The following TPD52L1 variants were observed in gnomAD, a reference collection of about 807,000 sequenced individuals.
The protein encoded by TPD52L1 is TPD52 like 1, also known as tumor protein D53.
Under a neutral mutation model 28.7 loss-of-function variants are expected in TPD52L1, and 18 were observed. The observed-to-expected ratio is 0.63, with a 90% CI of 0.43 to 0.93. TPD52L1 has a LOEUF of 0.93. Among genes scored for constraint, TPD52L1 ranks in the 40% least tolerant of loss-of-function variants. The pLI, the probability that TPD52L1 is intolerant of heterozygous loss-of-function variation, is 0.00. For missense variants in TPD52L1, 203 were observed against 254.8 expected (o/e 0.80, Z 1.39); for synonymous variants, 75 against 88.8 (o/e 0.84, Z 0.88).
At chr6:125,195,989 T>C (rs1793412368) in intron 1 of TPD52L1, among the ~76,000 whole-genome samples, 2 of 152,208 alleles carry the variant, frequency 1.3e-5, no homozygotes, top group South Asian at 4.1e-4. Flanking sequence ...AGAATAGTGC[T>C]GAGCTCACAG....
chr6:125,242,667 A>G (rs1796683340), intron 3 of TPD52L1, among the ~76,000 whole-genome samples: 1 of 151,926 alleles, frequency 6.6e-6, no homozygotes, highest in South Asian at 2.1e-4. Context: ...TCTTTACCTT[A>G]AGTTGATGTG....
chr6:125,163,684 G>C (rs142976304), intron 1 of TPD52L1, among the ~76,000 whole-genome samples: 3 of 151,546 alleles, frequency 2.0e-5, no homozygotes, highest in South Asian at 4.2e-4. Flanking sequence ...TCAGCATTTT[G>C]GGAGCCTGAG....
At chr6:125,172,854 C>A (rs1215880905) in intron 1 of TPD52L1, among the ~76,000 whole-genome samples, 1 of 151,626 alleles carries the variant, frequency 6.6e-6, no homozygotes, top group Non-Finnish European at 1.5e-5. Flanking sequence ...AGTCTACTGG[C>A]TCCTGGTAAA....
intron 1 of TPD52L1, among the ~76,000 whole-genome samples, chr6:125,216,559 A>G (rs1214191769): frequency 1.4e-5 from 2 of 143,488 alleles, no homozygotes; most frequent in African/African-American, 5.2e-5. Flanking sequence ...ATATATATAT[A>G]TATATATATA....
intron 1 of TPD52L1, chr6:125,154,437 C>G (rs911891379): frequency 1.0e-6 from 1 of 987,526 alleles, no homozygotes; most frequent in Non-Finnish European, 1.2e-6. Flanking sequence ...GGGGGTGGCT[C>G]CGCAGCCCGG....
intron 1 of TPD52L1, among the ~76,000 whole-genome samples, chr6:125,217,449 C>T (rs183895339): frequency 4.4e-4 from 67 of 152,270 alleles, no homozygotes; most frequent in African/African-American, 1.4e-3. Flanking sequence ...ATAAGGAGCA[C>T]GCAAGCTAGA....
At position 125,153,912 on chromosome 6, in the gene TPD52L1, C is replaced by G; in HGVS notation, c.-40C>G. ...CAGCTGCCATCTGCTCTGGGAAGCA[C>G]CAGGGTGTCCCCGCCGCCCTCAGCT... On this transcript the variant is annotated 5_prime_UTR_variant, in exon 1 of 7. Transcript: ENST00000534000. 1 of 1,592,016 alleles carries G rather than the reference C, an allele frequency of 6.3e-7. No homozygotes were observed. Among genetic ancestry groups the G allele is most frequent in the Non-Finnish European group, 8.5e-7 (1 of 1,174,256 alleles).
chr6:125,198,244 C>T (rs928827701), intron 1 of TPD52L1, among the ~76,000 whole-genome samples: 5 of 152,206 alleles, frequency 3.3e-5, no homozygotes, highest in African/African-American at 1.2e-4. Flanking sequence ...TTACAGTGCT[C>T]TAAACCCTTT....
At chr6:125,208,511 T>C (rs918476731) in intron 1 of TPD52L1, among the ~76,000 whole-genome samples, 2 of 152,092 alleles carry the variant, frequency 1.3e-5, no homozygotes, top group Admixed American at 6.5e-5. Context: ...TCTCGTGACA[T>C]TTGTTATCAA....
chr6:125,259,624 A>G (rs1797797729), intron 6 of TPD52L1, among the ~76,000 whole-genome samples: 1 of 152,100 alleles, frequency 6.6e-6, no homozygotes, highest in East Asian at 1.9e-4. Flanking sequence ...ATCTCTTCCA[A>G]CCATTTTGCA....
At chr6:125,230,320 CT>C (rs1795875538) in intron 3 of TPD52L1, among the ~76,000 whole-genome samples, 1 of 151,968 alleles carries the variant, frequency 6.6e-6, no homozygotes, top group Non-Finnish European at 1.5e-5. Context: ...GATTTTTCTT[CT>C]TTTTGTGTAT....
intron 1 of TPD52L1, among the ~76,000 whole-genome samples, chr6:125,158,828 G>A (rs1235062165): frequency 6.6e-6 from 1 of 152,190 alleles, no homozygotes; most frequent in African/African-American, 2.4e-5. Context: ...GGAATACAGC[G>A]AGTCACACAC....
intron 3 of TPD52L1, among the ~76,000 whole-genome samples, chr6:125,234,765 T>C (rs1796154743): frequency 6.6e-6 from 1 of 152,148 alleles, no homozygotes; most frequent in African/African-American, 2.4e-5. Flanking sequence ...GTATTAAAGA[T>C]GTGCCAGATT....
At chr6:125,261,101 G>A (rs1263196775) in intron 6 of TPD52L1, 5 of 152,104 alleles carry the variant, frequency 3.3e-5, no homozygotes, top group South Asian at 2.1e-4. Flanking sequence ...TTAGGTATTC[G>A]CTGTGGCTAC....
At chr6:125,166,895 G>A (rs1384307891) in intron 1 of TPD52L1, among the ~76,000 whole-genome samples, 1 of 152,074 alleles carries the variant, frequency 6.6e-6, no homozygotes, top group Non-Finnish European at 1.5e-5. Context: ...TGACAGCTGA[G>A]TTCTTTTGGG....
At chr6:125,216,285 G>C (rs1794868685) in intron 1 of TPD52L1, among the ~76,000 whole-genome samples, 1 of 151,952 alleles carries the variant, frequency 6.6e-6, no homozygotes, top group Non-Finnish European at 1.5e-5. Context: ...AAATGTCCAT[G>C]CCATTTGACT....
intron 6 of TPD52L1, among the ~76,000 whole-genome samples, chr6:125,258,652 T>A (rs1222116899): frequency 6.6e-6 from 1 of 152,162 alleles, no homozygotes; most frequent in Non-Finnish European, 1.5e-5. Flanking sequence ...TTTAGGAAAC[T>A]CTGGTAAGCT....
intron 1 of TPD52L1, among the ~76,000 whole-genome samples, chr6:125,205,906 A>T (rs1279182069): frequency 6.6e-6 from 1 of 152,200 alleles, no homozygotes; most frequent in African/African-American, 2.4e-5. Context: ...AGCCCAAGTT[A>T]GGTTTTGGAC....
rs184718436 is a variant in TPD52L1, at chr6:125,245,967, C to T, written c.285-2315C>T. 1.7e-4 allele frequency among the ~76,000 whole-genome samples: 26 copies of T among 152,312 alleles called. No homozygotes were observed. The East Asian group carries it at 3.9e-3, about 23-fold the overall frequency. On this transcript the variant is annotated intron_variant, in intron 3 of 6. Coordinates refer to ENST00000534000, the MANE Select transcript of TPD52L1 (RefSeq NM_003287.4). Reference sequence around the variant, plus strand: ...CCCAGATTCTGCTTAAGAAAGTTCACGCCCAGTGGCAATTATTATAAAATT... The same window carrying T: ...CCCAGATTCTGCTTAAGAAAGTTCATGCCCAGTGGCAATTATTATAAAATT...
Sources: gnomAD v4.1 joint callset for allele counts (sites outside exome capture counted in the v4.1 genomes callset) on GRCh38, gnomAD v4.1.1 for gene constraint, MANE v1.5 for transcripts, NCBI Gene and HGNC (gene_info 2026-07-23, HGNC 2026-07-21) for gene names.